PTPRH: variants seen among roughly 807,000 people sequenced by gnomAD.
PTPRH encodes receptor-type tyrosine-protein phosphatase H.
PTPRH carries 113 observed loss-of-function variants against 130.2 expected under a neutral mutation model. The observed-to-expected ratio is 0.87, with a 90% CI of 0.75 to 1.01. The LOEUF (loss-of-function observed/expected upper bound fraction) is 1.01, where lower values mean the gene tolerates loss of function less well. Among genes scored for constraint, PTPRH ranks in the 50% least tolerant of loss-of-function variants. The probability of loss-of-function intolerance (pLI) is 0.00; values close to 1 mark genes in which losing one functional copy is unlikely to be tolerated. For missense variants in PTPRH, 1,430 were observed against 1,425.0 expected, an observed-to-expected ratio of 1.00 and a Z score of -0.06; for synonymous variants, 556 against 577.9, an observed-to-expected ratio of 0.96 and a Z score of 0.54.
intron 13 of PTPRH, 21 bp downstream of exon 13, chr19:55,188,057 G>A (rs1053766288): frequency 1.3e-6 from 2 of 1,596,646 alleles, no homozygotes; most frequent in East Asian, 4.5e-5. Flanking sequence ...ACTGAGCTCA[G>A]CCCCTCTGTC....
chr19:55,198,780 G>A lies in PTPRH; in HGVS notation c.1553C>T (p.Thr518Ile), dbSNP rs777927375. The A allele has an allele frequency of 6.2e-7, 1 of 1,613,944 alleles. No individual in the cohort carries two copies. The highest frequency in any genetic ancestry group is 1.1e-5 in the South Asian group (1 of 91,026). ...TGAGGTGCTTTGGGTCCTGGGGTCA[G>A]TCATGCCTTCCCTGACCCATGAGAC... ...YWVSWVREGM[T>I]DPRTQSTSGT... The change falls in exon 8 of 20, where the codon ACT becomes ATT. Residue 518 changes from threonine (T) to isoleucine (I), a missense_variant. Coordinates refer to ENST00000376350, the MANE Select transcript of PTPRH (RefSeq NM_002842.5).
chr19:55,198,907 T>C lies in PTPRH; in HGVS notation c.1426A>G (p.Asn476Asp). The C allele has an allele frequency of 6.6e-7, 1 of 1,513,778 alleles. No individual in the cohort carries two copies. Among genetic ancestry groups the C allele is most frequent in the Non-Finnish European group, 8.9e-7 (1 of 1,128,446 alleles). The allele number at this position is 1,513,778 out of a possible 1,614,324, so 93.8% of individuals were successfully genotyped here. Reference protein sequence around the residue: ...RQNVSISTVPNAVTSLSKQDW... With the variant: ...RQNVSISTVPDAVTSLSKQDW... ...TGCTTGCTGAGGCTTGTCACTGCGT[T>C]GGGGACTGGGAGAGGGAGCAGAGTC... The change falls in exon 8 of 20, where the codon AAC becomes GAC. Residue 476 changes from asparagine (N) to aspartate (D), a missense_variant. Coordinates refer to ENST00000376350, the MANE Select transcript of PTPRH (RefSeq NM_002842.5).
chr19:55,185,494 G>A lies in PTPRH; in HGVS notation c.3062+8C>T, dbSNP rs776418107. On this transcript the variant is annotated splice_region_variant and intron_variant, in intron 18 of 19. Coordinates refer to ENST00000376350, the MANE Select transcript of PTPRH (RefSeq NM_002842.5). ...TCTCAAGGGAGAGGGTCCTGGGCTGGTCCCCACCTGCAGTGCACAATGGGT... is the reference window on the plus strand; with the variant it reads ...TCTCAAGGGAGAGGGTCCTGGGCTGATCCCCACCTGCAGTGCACAATGGGT... 2.5e-6 allele frequency: 4 copies of A among 1,613,704 alleles called. No homozygotes were observed. The South Asian group carries it at 4.4e-5, about 18-fold the overall frequency.
chr19:55,205,896 T>C (rs1021470740), intron 3 of PTPRH, among the ~76,000 whole-genome samples: 16 of 152,228 alleles, frequency 1.1e-4, no homozygotes, highest in East Asian at 3.8e-4. Context: ...TTGGTGTATA[T>C]ATTGAATGAT....
chr19:55,197,943 T>C (rs1213969514), intron 8 of PTPRH, among the ~76,000 whole-genome samples: 1 of 152,220 alleles, frequency 6.6e-6, no homozygotes, highest in East Asian at 1.9e-4. Flanking sequence ...CCAGGCATAG[T>C]GGCTCACTCC....
At position 55,181,573 on chromosome 19, in the gene PTPRH, C is replaced by T. The variant is rs1178287766; in HGVS notation, c.*181G>A. The stretch of plus-strand genomic sequence containing the variant: ...ATCCAGATCCCCAGCTCCCATAGGA[C>T]TCATCTGAAGCCCACCAGACCACTC... On this transcript the variant is annotated 3_prime_UTR_variant, in exon 20 of 20. Transcript: ENST00000376350. 2.6e-6 allele frequency: 2 copies of T among 758,760 alleles called. No individual in the cohort carries two copies. Among genetic ancestry groups the T allele is most frequent in the Non-Finnish European group, 4.3e-6 (2 of 467,182 alleles). The allele number at this position is 758,760 out of a possible 1,614,324, so 47.0% of individuals were successfully genotyped here.
At chr19:55,184,284 C>A (rs1287566713) in intron 18 of PTPRH, among the ~76,000 whole-genome samples, 1 of 150,614 alleles carries the variant, frequency 6.6e-6, no homozygotes, top group Non-Finnish European at 1.5e-5. Flanking sequence ...AACTCTGCCT[C>A]CAAAATAAAC....
At position 55,205,380 on chromosome 19, in the gene PTPRH, A is replaced by G. The variant is rs2087013638; in HGVS notation, c.565T>C (p.Trp189Arg). The change falls in exon 4 of 20, where the codon TGG (tryptophan) becomes CGG (arginine). Residue 189 changes from tryptophan to arginine, a missense_variant. By Grantham distance (101) the Trp-to-Arg change is moderately radical. Coordinates refer to ENST00000376350, the MANE Select transcript of PTPRH (RefSeq NM_002842.5). ...EPGCLYAFSM[W>R]VGKNGINSSR... ...CTGTTGATTCCATTCTTTCCCACCC[A>G]CATGGAAAACGCATACAAACACCCG... The G allele has an allele frequency of 1.2e-6, 2 of 1,614,136 alleles. No individual in the cohort carries two copies. Among genetic ancestry groups the G allele is most frequent in the Admixed American group, 1.7e-5 (1 of 60,000 alleles).
At chr19:55,208,412 G>A (rs1192715839) in intron 1 of PTPRH, among the ~76,000 whole-genome samples, 1 of 8,640 alleles carries the variant, frequency 1.2e-4, no homozygotes. Context: ...TGAGGGAGGA[G>A]GGGCTGGGGT....
intron 18 of PTPRH, among the ~76,000 whole-genome samples, chr19:55,185,155 C>T (rs1007762076): frequency 3.9e-5 from 6 of 151,954 alleles, no homozygotes; most frequent in Admixed American, 1.3e-4. Context: ...CCACGACACC[C>T]GGCTAATTTT....
chr19:55,199,200 G>A (rs1349802454), intron 7 of PTPRH, among the ~76,000 whole-genome samples: 8 of 152,210 alleles, frequency 5.3e-5, no homozygotes, highest in Non-Finnish European at 2.9e-5. Flanking sequence ...CCAGCTACTA[G>A]GGAGGCTGAG....
rs2087072999 is a variant in PTPRH, at chr19:55,206,769, G to T, written c.272C>A (p.Pro91His). 1 of 1,614,116 alleles carries T rather than the reference G, an allele frequency of 6.2e-7. No individual in the cohort carries two copies. Among genetic ancestry groups the T allele is most frequent in the Non-Finnish European group, 8.5e-7 (1 of 1,180,018 alleles). The change falls in exon 3 of 20, where the codon CCC becomes CAC. Residue 91 changes from proline to histidine, a missense_variant. Transcript: ENST00000376350. ...CACAGAACACGTATACAATGACCCG[G>T]GTCCAAGGCCATCCACGGTGACGTT... ...ATNVTVDGLG[P>H]GSLYTCSVWV...
chr19:55,200,447 G>A lies in PTPRH; in HGVS notation c.1209C>T (p.Ala403=). 6.2e-7 allele frequency: 1 copy of A among 1,614,152 alleles called. No individual in the cohort carries two copies. The change falls in exon 7 of 20, where the codon GCC becomes GCT. Residue 403 remains alanine, a synonymous_variant. Coordinates refer to ENST00000376350, the MANE Select transcript of PTPRH (RefSeq NM_002842.5). ...HMETQTNSSI[A]LCWEVPDGPY... ...GGCCATCGGGGACTTCCCAGCATAGGGCGATGGAGCTGTTGGTCTGAGTCT... is the reference window on the plus strand; with the variant it reads ...GGCCATCGGGGACTTCCCAGCATAGAGCGATGGAGCTGTTGGTCTGAGTCT...
chr19:55,193,849 T>C (rs548635493), intron 10 of PTPRH, among the ~76,000 whole-genome samples: 49 of 151,802 alleles, frequency 3.2e-4, no homozygotes, highest in African/African-American at 1.1e-3. Context: ...TTTTTTTTTT[T>C]TCTTGGTTTG....
chr19:55,187,323 T>G (rs375590430), intron 14 of PTPRH, among the ~76,000 whole-genome samples, 190 bp downstream of exon 14: 6 of 97,268 alleles, frequency 6.2e-5, no homozygotes, highest in Admixed American at 1.4e-4. Context: ...CCAGCCTGGG[T>G]GACAGAGCGA....
intron 18 of PTPRH, among the ~76,000 whole-genome samples, chr19:55,184,242 C>G (rs2086256783): frequency 6.6e-6 from 1 of 151,936 alleles, no homozygotes; most frequent in South Asian, 2.1e-4. Context: ...CGAGATCATG[C>G]CACTGCACTC....
intron 8 of PTPRH, 119 bp from the exon 9 acceptor site, chr19:55,197,535 G>A (rs2086726317): frequency 3.1e-6 from 3 of 976,208 alleles, no homozygotes; most frequent in Non-Finnish European, 4.5e-6. Context: ...CAGTGGCTAA[G>A]GAGGCTGAAC....
chr19:55,188,042 G>A (rs968093387), intron 13 of PTPRH, 36 bp downstream of exon 13: 5 of 1,562,988 alleles, frequency 3.2e-6, no homozygotes, highest in Non-Finnish European at 4.4e-6. Context: ...GGCCACCGGA[G>A]GGAGACTGAG....
At chr19:55,195,961 A>G (rs1045774376) in intron 10 of PTPRH, among the ~76,000 whole-genome samples, 4 of 151,046 alleles carry the variant, frequency 2.6e-5, no homozygotes, top group Admixed American at 6.6e-5. Context: ...GGGCTGGGGA[A>G]TGGGAGAACT....
Sources: allele counts gnomAD v4.1 joint callset (sites outside exome capture counted in the v4.1 genomes callset), GRCh38; gene constraint gnomAD v4.1.1; transcripts MANE v1.5; gene names NCBI Gene and HGNC (gene_info 2026-07-23, HGNC 2026-07-21).